The following ANGPT1 variants were observed in gnomAD, a reference collection of about 807,000 sequenced individuals.
ANGPT1 encodes angiopoietin-1.
In ANGPT1, 17 loss-of-function variants were observed where a neutral mutation model predicts 62.2. That is an observed-to-expected ratio of 0.27 (90% CI 0.19 to 0.41). The LOEUF (loss-of-function observed/expected upper bound fraction) is 0.41, where lower values mean the gene tolerates loss of function less well. Among genes scored for constraint, ANGPT1 ranks in the 10% least tolerant of loss-of-function variants. The pLI is 1.00. For synonymous variants in ANGPT1, 199 were observed against 198.9 expected (o/e 1.00, Z 0.00); for missense variants, 478 against 594.9 (o/e 0.80, Z 2.04).
intron 1 of ANGPT1, among the ~76,000 whole-genome samples, chr8:107,365,968 A>AC (rs1156838849): frequency 6.6e-6 from 1 of 152,020 alleles, no homozygotes; most frequent in Non-Finnish European, 1.5e-5. Flanking sequence ...AAACACTAGA[A>AC]CCCAGGTCTC....
intron 1 of ANGPT1, among the ~76,000 whole-genome samples, chr8:107,496,185 A>T (rs1813091093): frequency 6.6e-6 from 1 of 152,238 alleles, no homozygotes; most frequent in African/African-American, 2.4e-5. Context: ...GTACCAAGTG[A>T]ATCCATTAAC....
chr8:107,356,573 C>T (rs1366192293), intron 1 of ANGPT1, among the ~76,000 whole-genome samples: 4 of 152,136 alleles, frequency 2.6e-5, no homozygotes, highest in Non-Finnish European at 5.9e-5. Context: ...AGCCTTATGG[C>T]AATGACACTG....
chr8:107,274,450 G>A (rs1813812253), intron 7 of ANGPT1, among the ~76,000 whole-genome samples: 2 of 152,116 alleles, frequency 1.3e-5, no homozygotes, highest in African/African-American at 4.8e-5. Context: ...AATGTATGCT[G>A]TGGGACAATT....
intron 1 of ANGPT1, among the ~76,000 whole-genome samples, chr8:107,470,840 C>A (rs1812337953): frequency 6.6e-6 from 1 of 152,112 alleles, no homozygotes; most frequent in Non-Finnish European, 1.5e-5. Flanking sequence ...ATCAAAACCA[C>A]CATGAGATAC....
intron 1 of ANGPT1, among the ~76,000 whole-genome samples, chr8:107,358,994 A>G (rs757756590): frequency 7.9e-5 from 12 of 152,186 alleles, no homozygotes; most frequent in Admixed American, 5.2e-4. Flanking sequence ...CCATAGGTTT[A>G]TATTCAAAAT....
intron 1 of ANGPT1, among the ~76,000 whole-genome samples, chr8:107,459,722 TA>T (rs1371262176): frequency 6.7e-6 from 1 of 149,830 alleles, no homozygotes; most frequent in Non-Finnish European, 1.5e-5. Flanking sequence ...TAAAATAAGT[TA>T]TTTTTTGTAT....
chr8:107,427,561 GTGT>G (rs1281090912), intron 1 of ANGPT1, among the ~76,000 whole-genome samples: 1 of 152,182 alleles, frequency 6.6e-6, no homozygotes, highest in East Asian at 1.9e-4. Context: ...TCAATGTCCA[GTGT>G]TGTTTACTTT....
At chr8:107,263,388 T>TA (rs1334529740) in intron 8 of ANGPT1, among the ~76,000 whole-genome samples, 2 of 143,000 alleles carry the variant, frequency 1.4e-5, no homozygotes, top group African/African-American at 2.6e-5. Flanking sequence ...AGGAAGTAGA[T>TA]AAAAAACTCA....
At chr8:107,302,132 C>T (rs1433789149) in intron 5 of ANGPT1, among the ~76,000 whole-genome samples, 1 of 151,814 alleles carries the variant, frequency 6.6e-6, no homozygotes, top group African/African-American at 2.4e-5. Context: ...TGCTAGGTTC[C>T]AGGAAATCAA....
intron 1 of ANGPT1, 61 bp from the exon 2 acceptor site, chr8:107,347,158 G>T: frequency 2.0e-6 from 3 of 1,513,186 alleles, no homozygotes; most frequent in Non-Finnish European, 2.7e-6. Flanking sequence ...GTTCGGGCAT[G>T]TAATATTTAC....
chr8:107,457,683 A>G (rs1278906572), intron 1 of ANGPT1, among the ~76,000 whole-genome samples: 1 of 152,100 alleles, frequency 6.6e-6, no homozygotes, highest in Admixed American at 6.6e-5. Flanking sequence ...GTCTTTGTCA[A>G]CTCAAATTAT....
intron 1 of ANGPT1, among the ~76,000 whole-genome samples, chr8:107,473,265 A>G (rs1812411322): frequency 1.3e-5 from 2 of 152,106 alleles, no homozygotes; most frequent in African/African-American, 4.8e-5. Context: ...AACTGGCAGA[A>G]CTACCAAAGC....
chr8:107,268,837 T>G (rs560550719), intron 7 of ANGPT1, among the ~76,000 whole-genome samples: 2 of 152,032 alleles, frequency 1.3e-5, no homozygotes, highest in South Asian at 4.1e-4. Flanking sequence ...CATATATTGG[T>G]TGAAATGATG....
intron 1 of ANGPT1, among the ~76,000 whole-genome samples, chr8:107,418,618 T>C (rs1394743115): frequency 6.6e-6 from 1 of 152,188 alleles, no homozygotes; most frequent in East Asian, 1.9e-4. Flanking sequence ...AATCCAGTAA[T>C]GAACAATGGG....
At chr8:107,381,471 A>G (rs536368535) in intron 1 of ANGPT1, among the ~76,000 whole-genome samples, 30 of 152,272 alleles carry the variant, frequency 2.0e-4, no homozygotes, top group African/African-American at 7.0e-4. Context: ...GTAATTGGAT[A>G]TCTTTGAAAG....
intron 1 of ANGPT1, among the ~76,000 whole-genome samples, chr8:107,416,083 C>A (rs1454805197): frequency 6.6e-6 from 1 of 152,094 alleles, no homozygotes; most frequent in Admixed American, 6.6e-5. Context: ...CCCCATATAC[C>A]AAGCAATCAA....
Position 107,340,696 on chromosome 8 carries a change from G to A in ANGPT1, c.454-4425C>T, listed in dbSNP as rs1286718644. On this transcript the variant is annotated intron_variant, in intron 2 of 8. Coordinates refer to ENST00000517746, the MANE Select transcript of ANGPT1 (RefSeq NM_001146.5). ...TTTTGTAAAGACAGGGCTCTGCCATGTTGCCCAGGCTGGTCTCAAACTCCT... is the reference window on the plus strand; with the variant it reads ...TTTTGTAAAGACAGGGCTCTGCCATATTGCCCAGGCTGGTCTCAAACTCCT... Among the ~76,000 whole-genome samples the A allele has an allele frequency of 3.4e-5, 5 of 148,146 alleles. No individual in the cohort carries two copies. In the South Asian group the frequency reaches 8.6e-4, roughly 25 times the overall value.
chr8:107,441,780 T>C (rs1811483056), intron 1 of ANGPT1, among the ~76,000 whole-genome samples: 1 of 152,154 alleles, frequency 6.6e-6, no homozygotes, highest in East Asian at 1.9e-4. Flanking sequence ...AAGTCAGGTC[T>C]TTGCAGATTA....
intron 4 of ANGPT1, among the ~76,000 whole-genome samples, chr8:107,308,344 A>G (rs1014064994): frequency 6.6e-6 from 1 of 152,170 alleles, no homozygotes; most frequent in African/African-American, 2.4e-5. Flanking sequence ...AAGTCATGGT[A>G]AGGTTTCAAA....
Sources: gnomAD v4.1 joint callset for allele counts (sites outside exome capture counted in the v4.1 genomes callset) on GRCh38, gnomAD v4.1.1 for gene constraint, MANE v1.5 for transcripts, NCBI Gene and HGNC (gene_info 2026-07-23, HGNC 2026-07-21) for gene names.